Variants in CC2D2A observed in about 807,000 individuals in gnomAD.
The protein encoded by CC2D2A is coiled-coil and C2 domain-containing protein 2A.
In CC2D2A, 155 loss-of-function variants were observed where a neutral mutation model predicts 212.9. The ratio of observed to expected loss-of-function variants is 0.73; its 90% CI spans 0.64 to 0.83. The LOEUF (loss-of-function observed/expected upper bound fraction) is 0.83, where lower values mean the gene tolerates loss of function less well. Ranked by LOEUF, CC2D2A falls within the 40% of genes least tolerant of loss-of-function variation. The pLI, the probability that CC2D2A is intolerant of heterozygous loss-of-function variation, is 0.00. For synonymous variants in CC2D2A, 667 were observed against 686.5 expected, an observed-to-expected ratio of 0.97 and a Z score of 0.44; for missense variants, 1,856 against 1,956.2, an observed-to-expected ratio of 0.95 and a Z score of 0.97.
Position 15,537,006 on chromosome 4 carries a change from A to G in CC2D2A, c.1694A>G (p.Glu565Gly). 6.2e-7 allele frequency: 1 copy of G among 1,613,742 alleles called. No homozygotes were observed. The highest frequency in any genetic ancestry group is 2.2e-5 in the East Asian group (1 of 44,882). Residue 565 changes from glutamate to glycine, a missense_variant, in exon 15 of 37, where the codon GAG becomes GGG. Physicochemically the swap from Glu to Gly is moderately conservative, Grantham distance 98. Transcript: ENST00000424120. ...AGTGAACTGTTAGAAGAGCACACGGAGGAGTACGCACAGAAGATGGAAGAA... is the reference window on the plus strand; with the variant it reads ...AGTGAACTGTTAGAAGAGCACACGGGGGAGTACGCACAGAAGATGGAAGAA... ...EISELLEEHT[E>G]EYAQKMEEYR...
At chr4:15,472,648 T>G (rs1577301746) in intron 1 of CC2D2A, among the ~76,000 whole-genome samples, 1 of 3,650 alleles carries the variant, frequency 2.7e-4, no homozygotes, top group Non-Finnish European at 8.4e-4. Flanking sequence ...GTTTCACAGG[T>G]TTTTTTTTTT....
chr4:15,508,525 C>A (rs1716387050), intron 6 of CC2D2A, among the ~76,000 whole-genome samples: 1 of 152,172 alleles, frequency 6.6e-6, no homozygotes, highest in South Asian at 2.1e-4. Flanking sequence ...TTATTTGATG[C>A]TCTACTCAAG....
intron 16 of CC2D2A, among the ~76,000 whole-genome samples, chr4:15,538,667 T>C (rs1213259497): frequency 1.3e-5 from 2 of 152,310 alleles, no homozygotes; most frequent in East Asian, 3.9e-4. Flanking sequence ...CCAGATATGA[T>C]AAAAATACAT....
At chr4:15,486,540 G>A (rs958391759) in intron 4 of CC2D2A, among the ~76,000 whole-genome samples, 1 of 151,362 alleles carries the variant, frequency 6.6e-6, no homozygotes, top group Non-Finnish European at 1.5e-5. Context: ...TATTTCTGTG[G>A]GTCTTCTCTT....
Position 15,540,897 on chromosome 4 carries a change from C to G in CC2D2A, c.2064C>G (p.Phe688Leu). 1 of 1,592,448 alleles carries G rather than the reference C, an allele frequency of 6.3e-7. No homozygotes were observed. The highest frequency in any genetic ancestry group is 1.3e-5 in the African/African-American group (1 of 74,590). ...KKRSVYLKVL[F>L]NNKEVSRTVS... ...GCTCAGTGTACTTAAAAGTGCTGTTCAACAACAAGGAGGTGTCCAGGACAG... is the reference window on the plus strand; with the variant it reads ...GCTCAGTGTACTTAAAAGTGCTGTTGAACAACAAGGAGGTGTCCAGGACAG... Residue 688 changes from phenylalanine to leucine, a missense_variant, in exon 17 of 37, where the codon TTC becomes TTG. By Grantham distance (22) the Phe-to-Leu change is conservative. Around this residue, in one of 5 missense-constraint regions of CC2D2A, gnomAD observed 1,512 missense variants for 1,579.3 expected, o/e 0.96. Coordinates refer to ENST00000424120, the MANE Select transcript of CC2D2A (RefSeq NM_001378615.1).
chr4:15,557,429 A>T lies in CC2D2A; in HGVS notation c.2751A>T (p.Arg917Ser), dbSNP rs1457105326. 6.2e-7 allele frequency: 1 copy of T among 1,613,490 alleles called. No individual in the cohort carries two copies. The highest frequency in any genetic ancestry group is 1.1e-5 in the South Asian group (1 of 91,036). Residue 917 changes from arginine to serine, a missense_variant, in exon 21 of 37, where the codon AGA (arginine) becomes AGT (serine). Around this residue, in one of 5 missense-constraint regions of CC2D2A, gnomAD observed 1,512 missense variants for 1,579.3 expected, o/e 0.96. Coordinates refer to ENST00000424120, the MANE Select transcript of CC2D2A (RefSeq NM_001378615.1). ...AACGATTTAGGCTTCTTCATCTTAG[A>T]AGCCAAGAGGTGCCAGAATTCCGAA... Reference protein sequence around the residue: ...RSKRFRLLHLRSQEVPEFRNY... With the variant: ...RSKRFRLLHLSSQEVPEFRNY...
At chr4:15,589,502 C>A in intron 32 of CC2D2A, 43 bp from the exon 33 acceptor site, 1 of 1,583,104 alleles carries the variant, frequency 6.3e-7, no homozygotes, top group Non-Finnish European at 8.6e-7. Context: ...GCCTTCACTG[C>A]ATAAATAGTT....
intron 17 of CC2D2A, among the ~76,000 whole-genome samples, chr4:15,544,606 G>C (rs1206189002): frequency 6.6e-6 from 1 of 152,156 alleles, no homozygotes; most frequent in Non-Finnish European, 1.5e-5. Flanking sequence ...TGATGGGTGA[G>C]AGCTCAGACT....
intron 29 of CC2D2A, among the ~76,000 whole-genome samples, chr4:15,577,436 GT>G (rs1720462733): frequency 6.6e-6 from 1 of 152,078 alleles, no homozygotes; most frequent in South Asian, 2.1e-4. Context: ...ACCTTAATTT[GT>G]TTCATCATAA....
At chr4:15,552,675 T>C (rs1298411997) in intron 18 of CC2D2A, among the ~76,000 whole-genome samples, 1 of 152,188 alleles carries the variant, frequency 6.6e-6, no homozygotes, top group African/African-American at 2.4e-5. Flanking sequence ...CAGAAGTTCT[T>C]TTCTTTCTCA....
At chr4:15,523,059 A>G (rs1427537569) in intron 11 of CC2D2A, among the ~76,000 whole-genome samples, 1 of 151,902 alleles carries the variant, frequency 6.6e-6, no homozygotes, top group East Asian at 1.9e-4. Context: ...GGTTGCAGTG[A>G]GCAGAGAACA....
intron 33 of CC2D2A, among the ~76,000 whole-genome samples, chr4:15,591,837 T>C (rs2148490626): frequency 6.6e-6 from 1 of 152,316 alleles, no homozygotes; most frequent in East Asian, 1.9e-4. Flanking sequence ...TTACCAGCTC[T>C]CAAAACAATT....
intron 32 of CC2D2A, among the ~76,000 whole-genome samples, chr4:15,589,216 C>G (rs1336546068): frequency 2.0e-5 from 3 of 152,114 alleles, no homozygotes; most frequent in Non-Finnish European, 4.4e-5. Context: ...GGCAGTCTTA[C>G]TGACTCTAAG....
At chr4:15,497,413 A>G (rs1419211366) in intron 4 of CC2D2A, among the ~76,000 whole-genome samples, 1 of 152,190 alleles carries the variant, frequency 6.6e-6, no homozygotes, top group Non-Finnish European at 1.5e-5. Flanking sequence ...AAGCACTGGG[A>G]ATGGAGAGGC....
At chr4:15,595,161 ATC>A (rs1419132610) in intron 33 of CC2D2A, among the ~76,000 whole-genome samples, 6 of 152,116 alleles carry the variant, frequency 3.9e-5, no homozygotes, top group East Asian at 3.9e-4. Flanking sequence ...AGGGTAGAAA[ATC>A]TGTTTCATTC....
Position 15,516,664 on chromosome 4 carries a change from C to T in CC2D2A, c.1057C>T (p.Leu353=), listed in dbSNP as rs1365896129. The stretch of plus-strand genomic sequence containing the variant: ...TGGAGATGACGGCAGGATCCTAGCT[C>T]TGCCAAACCCCATCAAGCCATTTCC... ...WFGDDGRILA[L]PNPIKPFPSR... Residue 353 remains leucine, a synonymous_variant, in exon 11 of 37, where the codon CTG becomes TTG. Coordinates refer to ENST00000424120, the MANE Select transcript of CC2D2A (RefSeq NM_001378615.1). 3.1e-6 allele frequency: 5 copies of T among 1,613,162 alleles called. No homozygotes were observed. The highest frequency in any genetic ancestry group is 2.2e-5 in the East Asian group (1 of 44,878).
intron 13 of CC2D2A, among the ~76,000 whole-genome samples, chr4:15,530,715 T>C (rs751803171): frequency 1.3e-5 from 2 of 151,866 alleles, no homozygotes; most frequent in Non-Finnish European, 1.5e-5. Context: ...CACTAGGTGG[T>C]AAAACAATTT....
intron 6 of CC2D2A, among the ~76,000 whole-genome samples, chr4:15,507,000 C>T (rs1055895495): frequency 7.3e-5 from 11 of 150,612 alleles, no homozygotes; most frequent in South Asian, 6.3e-4. Context: ...ATCTCGTGAA[C>T]GCGGGAGGCA....
At chr4:15,538,288 T>G (rs1560171975) in intron 16 of CC2D2A, 151 bp downstream of exon 16, 2 of 517,436 alleles carry the variant, frequency 3.9e-6, no homozygotes, top group Middle Eastern at 9.3e-4. Context: ...GAATATTAGG[T>G]TGAACCACAT....
Sources: gnomAD v4.1 joint callset for allele counts (sites outside exome capture counted in the v4.1 genomes callset) on GRCh38, gnomAD v4.1.1 for gene constraint, gnomAD v4.1.1 regional missense constraint, MANE v1.5 for transcripts, NCBI Gene and HGNC (gene_info 2026-07-23, HGNC 2026-07-21) for gene names.